CXCL13: variants seen among roughly 807,000 people sequenced by gnomAD.
CXCL13 encodes C-X-C motif chemokine ligand 13, also known as C-X-C motif chemokine 13.
CXCL13 carries 7 observed loss-of-function variants against 12.2 expected under a neutral mutation model. The observed-to-expected ratio is 0.57, with a 90% confidence interval of 0.33 to 1.07. CXCL13 has a LOEUF of 1.07. CXCL13 is among the 50% of genes least tolerant of loss of function. The pLI, the probability that CXCL13 is intolerant of heterozygous loss-of-function variation, is 0.04. For missense variants in CXCL13, 113 were observed against 127.4 expected, an observed-to-expected ratio of 0.89 and a Z score of 0.55; for synonymous variants, 47 against 42.4, an observed-to-expected ratio of 1.11 and a Z score of -0.42.
chr4:77,540,126 T>C (rs1252938755), intron 1 of CXCL13, among the ~76,000 whole-genome samples: 2 of 152,226 alleles, frequency 1.3e-5, no homozygotes, highest in East Asian at 3.8e-4. Context: ...GTTAACTTTA[T>C]GTAATTTATA....
At chr4:77,533,808 C>T (rs113603913) in intron 1 of CXCL13, among the ~76,000 whole-genome samples, 2,952 of 152,242 alleles carry the variant, frequency 0.019, 88 homozygotes, top group African/African-American at 0.052. Flanking sequence ...TGAGCAAGGG[C>T]CCATGGGCAT....
intron 1 of CXCL13, among the ~76,000 whole-genome samples, chr4:77,541,768 T>C (rs985778570): frequency 6.6e-6 from 1 of 152,254 alleles, no homozygotes. Context: ...AATTGGTAGC[T>C]TAATATGAAT....
At chr4:77,580,345 T>TTTTTTTTTTTC in intron 1 of CXCL13, among the ~76,000 whole-genome samples, 1 of 133,962 alleles carries the variant, frequency 7.5e-6, no homozygotes, top group Non-Finnish European at 1.6e-5. Flanking sequence ...TTTTTTTTTT[T>TTTTTTTTTTTC]GAGATGGAGT....
chr4:77,602,975 G>T (rs567272447), upstream of CXCL13, among the ~76,000 whole-genome samples: 1 of 152,150 alleles, frequency 6.6e-6, no homozygotes, highest in Non-Finnish European at 1.5e-5. Flanking sequence ...GTCTAAATAA[G>T]CTAAATCCAG....
chr4:77,546,662 C>A (rs989340548), intron 1 of CXCL13, among the ~76,000 whole-genome samples: 2 of 152,068 alleles, frequency 1.3e-5, no homozygotes, highest in African/African-American at 2.4e-5. Flanking sequence ...TGCTAGCGGT[C>A]TATTTTGTTG....
At chr4:77,543,167 T>C (rs1265081493) in intron 1 of CXCL13, among the ~76,000 whole-genome samples, 1 of 152,006 alleles carries the variant, frequency 6.6e-6, no homozygotes, top group Non-Finnish European at 1.5e-5. Flanking sequence ...TTCATAATAG[T>C]CTCTAAGGGC....
chr4:77,538,103 C>T (rs1161418644), intron 1 of CXCL13, among the ~76,000 whole-genome samples: 1 of 152,154 alleles, frequency 6.6e-6, no homozygotes, highest in African/African-American at 2.4e-5. Context: ...TGATGGAACA[C>T]CTTGAACCCA....
At chr4:77,564,724 C>A (rs1725883854) in intron 1 of CXCL13, among the ~76,000 whole-genome samples, 1 of 152,150 alleles carries the variant, frequency 6.6e-6, no homozygotes, top group East Asian at 1.9e-4. Flanking sequence ...GACTGTGGAG[C>A]CCAAACTCTT....
chr4:77,586,465 A>G (rs1726462244), intron 1 of CXCL13, among the ~76,000 whole-genome samples: 1 of 152,182 alleles, frequency 6.6e-6, no homozygotes, highest in African/African-American at 2.4e-5. Context: ...ATCTCTTGCC[A>G]GGTCAGCTGA....
intron 1 of CXCL13, chr4:77,511,881 C>A (rs1181279444): frequency 6.6e-6 from 1 of 152,078 alleles, no homozygotes; most frequent in Non-Finnish European, 1.5e-5. Context: ...CTGGGGCAGC[C>A]CTCATCTGGA....
At chr4:77,594,133 A>G (rs1413268429) in intron 1 of CXCL13, among the ~76,000 whole-genome samples, 1 of 152,298 alleles carries the variant, frequency 6.6e-6, no homozygotes, top group South Asian at 2.1e-4. Context: ...TTCCAGTGTG[A>G]TGCAAAAAGC....
intron 1 of CXCL13, among the ~76,000 whole-genome samples, chr4:77,512,080 T>A (rs925508222): frequency 6.6e-6 from 1 of 152,146 alleles, no homozygotes; most frequent in Non-Finnish European, 1.5e-5. Flanking sequence ...TTCAGAACAT[T>A]TTTCTTTGAT....
chr4:77,565,405 T>A (rs1354413802), intron 1 of CXCL13, among the ~76,000 whole-genome samples: 1 of 152,214 alleles, frequency 6.6e-6, no homozygotes, highest in Non-Finnish European at 1.5e-5. Context: ...TTGGTGTTTG[T>A]AGAATCTTGG....
chr4:77,585,375 A>G (rs1726432030), intron 1 of CXCL13, among the ~76,000 whole-genome samples: 1 of 152,362 alleles, frequency 6.6e-6, no homozygotes, highest in Admixed American at 6.5e-5. Context: ...TTAAATCTCA[A>G]GGTCTGCAGA....
At chr4:77,596,469 G>A (rs1025760147) in intron 1 of CXCL13, among the ~76,000 whole-genome samples, 1 of 152,114 alleles carries the variant, frequency 6.6e-6, no homozygotes, top group Admixed American at 6.5e-5. Context: ...CCTCTTCTGT[G>A]TATACACCCA....
chr4:77,534,931 T>G (rs1234370986), intron 1 of CXCL13, among the ~76,000 whole-genome samples: 1 of 152,224 alleles, frequency 6.6e-6, no homozygotes, highest in Non-Finnish European at 1.5e-5. Context: ...CAGCAGTAAC[T>G]ACCTTTCTGG....
intron 1 of CXCL13, among the ~76,000 whole-genome samples, chr4:77,538,256 C>T (rs929908897): frequency 6.6e-6 from 1 of 151,812 alleles, no homozygotes. Context: ...GAAGCTTTCA[C>T]AAAAAGAGAC....
At chr4:77,581,750 A>T (rs1578063963) in intron 1 of CXCL13, among the ~76,000 whole-genome samples, 1 of 152,208 alleles carries the variant, frequency 6.6e-6, no homozygotes, top group Non-Finnish European at 1.5e-5. Context: ...CCATTAGCCT[A>T]TAGACCTTTT....
intron 1 of CXCL13, among the ~76,000 whole-genome samples, chr4:77,554,754 T>C (rs1429586833): frequency 6.6e-6 from 1 of 152,092 alleles, no homozygotes; most frequent in Non-Finnish European, 1.5e-5. Flanking sequence ...GTCCTCTGAC[T>C]ACAAAAGAAT....
Sources: gnomAD v4.1 joint callset for allele counts (sites outside exome capture counted in the v4.1 genomes callset) on GRCh38, gnomAD v4.1.1 for gene constraint, MANE v1.5 for transcripts, NCBI Gene and HGNC (gene_info 2026-07-23, HGNC 2026-07-21) for gene names.